The following VMP1 variants were observed in gnomAD, a reference collection of about 807,000 sequenced individuals.
The protein encoded by VMP1 is vacuole membrane protein 1.
VMP1 carries 11 observed loss-of-function variants against 56.0 expected under a neutral mutation model. The observed-to-expected ratio is 0.20, with a 90% CI of 0.12 to 0.32. The LOEUF (loss-of-function observed/expected upper bound fraction) is 0.32, where lower values mean the gene tolerates loss of function less well. VMP1 is among the 10% of genes least tolerant of loss of function. The pLI is 1.00. For synonymous variants in VMP1, 149 were observed against 165.0 expected (o/e 0.90, Z 0.74); for missense variants, 296 against 490.3 (o/e 0.60, Z 3.74).
chr17:59,745,013 C>A (rs565864765), intron 5 of VMP1, among the ~76,000 whole-genome samples: 2 of 152,260 alleles, frequency 1.3e-5, no homozygotes, highest in East Asian at 3.9e-4. Flanking sequence ...AGGCAAACAT[C>A]ATTGTCATAC....
chr17:59,780,838 T>C (rs1339641096), intron 7 of VMP1, among the ~76,000 whole-genome samples: 1 of 152,192 alleles, frequency 6.6e-6, no homozygotes, highest in African/African-American at 2.4e-5. Flanking sequence ...TCCACCCGCC[T>C]GGGCCTCCCA....
intron 7 of VMP1, among the ~76,000 whole-genome samples, chr17:59,801,595 T>C: frequency 1.3e-5 from 2 of 152,192 alleles, no homozygotes; most frequent in Middle Eastern, 6.8e-3. Context: ...ACCTTTTTTA[T>C]ATTTAAAAAC....
intron 5 of VMP1, among the ~76,000 whole-genome samples, chr17:59,753,449 G>C (rs2035727257): frequency 6.6e-6 from 1 of 152,094 alleles, no homozygotes; most frequent in African/African-American, 2.4e-5. Context: ...TTCTGGACAT[G>C]CTCCTTATAT....
intron 8 of VMP1, among the ~76,000 whole-genome samples, chr17:59,809,992 A>G (rs1598426962): frequency 1.3e-5 from 2 of 152,208 alleles, no homozygotes; most frequent in East Asian, 3.8e-4. Context: ...AACTACATTT[A>G]ACCAAATAAG....
At chr17:59,783,529 C>CT (rs1212742124) in intron 7 of VMP1, among the ~76,000 whole-genome samples, 1 of 152,150 alleles carries the variant, frequency 6.6e-6, no homozygotes, top group Non-Finnish European at 1.5e-5. Flanking sequence ...GTCTAGATAG[C>CT]TGTTTATGTG....
intron 5 of VMP1, among the ~76,000 whole-genome samples, chr17:59,758,670 A>C (rs1423077941): frequency 2.0e-5 from 3 of 151,502 alleles, no homozygotes; most frequent in African/African-American, 7.3e-5. Context: ...AAAATAACAA[A>C]AAAAAAATTA....
intron 7 of VMP1, among the ~76,000 whole-genome samples, chr17:59,789,071 A>G (rs1244249974): frequency 6.9e-6 from 1 of 144,234 alleles, no homozygotes; most frequent in African/African-American, 2.6e-5. Flanking sequence ...AGGGTGGATC[A>G]CGAGGTCAGG....
In VMP1 at chr17:59,735,448, G is replaced by A. The variant is rs766902106; in HGVS notation, c.187G>A (p.Val63Ile). The A allele has an allele frequency of 5.9e-5, 95 of 1,614,064 alleles. No homozygotes were observed. Among genetic ancestry groups the A allele is most frequent in the Non-Finnish European group, 7.7e-5 (91 of 1,179,984 alleles). The change falls in exon 3 of 12, where the codon GTA (valine) becomes ATA (isoleucine). Residue 63 changes from valine to isoleucine, a missense_variant. Physicochemically the swap from Val to Ile is conservative, Grantham distance 29 (BLOSUM62 3). Transcript: ENST00000262291. ...GCAGTATTTTTCTCTGGAAATCCTTGTAATCTTGAAGGAATGGACCTCAAA... is the reference window on the plus strand; with the variant it reads ...GCAGTATTTTTCTCTGGAAATCCTTATAATCTTGAAGGAATGGACCTCAAA... ...TLQYFSLEILVILKEWTSKLW... is the reference protein window; with the variant it reads ...TLQYFSLEILIILKEWTSKLW...
At chr17:59,835,002 C>T (rs1305871520) in intron 10 of VMP1, among the ~76,000 whole-genome samples, 2 of 151,122 alleles carry the variant, frequency 1.3e-5, no homozygotes, top group Non-Finnish European at 2.9e-5. Flanking sequence ...TCAGGTGATC[C>T]ACCTGCCTCG....
intron 6 of VMP1, 45 bp downstream of exon 6, chr17:59,765,183 C>CT: frequency 6.3e-7 from 1 of 1,589,246 alleles, no homozygotes; most frequent in Non-Finnish European, 8.6e-7. Flanking sequence ...ACCTCACCAT[C>CT]TTGATAGTGT....
rs1412058730 is a variant in VMP1 at position 59,838,351 on chromosome 17, C to T, written c.1031C>T (p.Ala344Val). 3.7e-6 allele frequency: 6 copies of T among 1,614,068 alleles called. No homozygotes were observed. Among genetic ancestry groups the T allele is most frequent in the South Asian group, 3.3e-5 (3 of 91,092 alleles). The change falls in exon 11 of 12, where the codon GCT (alanine) becomes GTT (valine). Residue 344 changes from alanine (A) to valine (V), a missense_variant. Transcript: ENST00000262291. The part of the protein sequence containing the change: ...LQKPFQEYLE[A>V]QRQKLHHKSE... The stretch of plus-strand genomic sequence containing the variant: ...AAGCCATTTCAGGAGTACCTGGAGG[C>T]TCAACGGCAGAAGCTTCACCACAAA...
intron 7 of VMP1, among the ~76,000 whole-genome samples, chr17:59,783,716 T>G (rs2036905413): frequency 6.6e-6 from 1 of 152,180 alleles, no homozygotes; most frequent in African/African-American, 2.4e-5. Context: ...TAAGGCCTGT[T>G]GATTCTATCT....
intron 3 of VMP1, chr17:59,735,703 T>A: frequency 4.3e-6 from 2 of 465,806 alleles, no homozygotes; most frequent in African/African-American, 3.9e-5. Context: ...TTGTCCACTG[T>A]TTTTTCATGT....
chr17:59,725,354 G>A (rs1333198965), intron 1 of VMP1, among the ~76,000 whole-genome samples: 1 of 152,152 alleles, frequency 6.6e-6, no homozygotes, highest in African/African-American at 2.4e-5. Context: ...ATGATTGGGG[G>A]AAGAAGAGGC....
chr17:59,746,936 C>G, intron 5 of VMP1, among the ~76,000 whole-genome samples: 1 of 152,142 alleles, frequency 6.6e-6, no homozygotes, highest in South Asian at 2.1e-4. Context: ...AAGAAAGAAC[C>G]TGTAGTATTC....
chr17:59,709,800 T>C (rs2033834885), intron 1 of VMP1, among the ~76,000 whole-genome samples: 1 of 152,180 alleles, frequency 6.6e-6, no homozygotes, highest in Non-Finnish European at 1.5e-5. Flanking sequence ...CGTCATGTAT[T>C]GTCACTTCAG....
At chr17:59,759,452 G>A (rs2039148925) in intron 5 of VMP1, among the ~76,000 whole-genome samples, 2 of 152,266 alleles carry the variant, frequency 1.3e-5, no homozygotes, top group Admixed American at 1.3e-4. Flanking sequence ...TTTGCTTTAT[G>A]TATTTTCACA....
At chr17:59,764,521 G>C (rs550462642) in intron 5 of VMP1, among the ~76,000 whole-genome samples, 1 of 152,276 alleles carries the variant, frequency 6.6e-6, no homozygotes, top group South Asian at 2.1e-4. Context: ...ATGAGGTCTT[G>C]CTTTGTAGCC....
intron 7 of VMP1, among the ~76,000 whole-genome samples, chr17:59,788,939 G>A (rs1355766297): frequency 1.3e-5 from 2 of 150,006 alleles, no homozygotes; most frequent in African/African-American, 5.0e-5. Context: ...TTAAACTAAA[G>A]TCTTTTTTTT....
Sources: gnomAD v4.1 joint callset for allele counts (sites outside exome capture counted in the v4.1 genomes callset) on GRCh38, gnomAD v4.1.1 for gene constraint, MANE v1.5 for transcripts, NCBI Gene and HGNC (gene_info 2026-07-23, HGNC 2026-07-21) for gene names.